The following SH2D1B variants were observed in gnomAD, a reference collection of about 807,000 sequenced individuals.
SH2D1B encodes the protein SH2 domain-containing protein 1B.
Under a neutral mutation model 16.3 loss-of-function variants are expected in SH2D1B, and 11 were observed. The observed-to-expected ratio is 0.67, with a 90% CI of 0.42 to 1.11. The LOEUF is 1.11. Among genes scored for constraint, SH2D1B ranks in the 50% most tolerant of loss-of-function variants. SH2D1B has a pLI of 0.00. For missense variants in SH2D1B, 123 were observed against 153.1 expected (o/e 0.80, Z 1.04); for synonymous variants, 55 against 56.1 (o/e 0.98, Z 0.09).
At chr1:162,407,734 C>T (rs1648683913) in intron 1 of SH2D1B, among the ~76,000 whole-genome samples, 1 of 152,280 alleles carries the variant, frequency 6.6e-6, no homozygotes, top group Non-Finnish European at 1.5e-5. Flanking sequence ...TTCAGAGAAA[C>T]CTTTCCTGTA....
Position 162,397,184 on chromosome 1 carries a change from T to C in SH2D1B, c.*96A>G, listed in dbSNP as rs980655086. 7.4e-7 allele frequency: 1 copy of C among 1,357,852 alleles called. No individual in the cohort carries two copies. Among genetic ancestry groups the C allele is most frequent in the African/African-American group, 1.4e-5 (1 of 69,808 alleles). The allele number at this position is 1,357,852 out of a possible 1,614,324, so 84.1% of individuals were successfully genotyped here. On this transcript the variant is annotated 3_prime_UTR_variant, in exon 4 of 4. Transcript: ENST00000367929. ...AACCAGGAGAGTCTGAATTGTCCACTAGAGTTTGGTGCTCTGGACCTATGC... is the reference window on the plus strand; with the variant it reads ...AACCAGGAGAGTCTGAATTGTCCACCAGAGTTTGGTGCTCTGGACCTATGC...
At chr1:162,397,965 G>C (rs1487870358) in intron 3 of SH2D1B, among the ~76,000 whole-genome samples, 2 of 152,190 alleles carry the variant, frequency 1.3e-5, no homozygotes, top group Non-Finnish European at 2.9e-5. Flanking sequence ...CCTATAGAAA[G>C]TGATTTTTTT....
chr1:162,397,240 T>G lies in SH2D1B; in HGVS notation c.*40A>C. Reference sequence around the variant, plus strand: ...GAAGTGGGTCATCAGTGAGAACTGTTACTCATCTCTTCAACTTGCTTTGTC... The same window carrying G: ...GAAGTGGGTCATCAGTGAGAACTGTGACTCATCTCTTCAACTTGCTTTGTC... On this transcript the variant is annotated 3_prime_UTR_variant, in exon 4 of 4. Coordinates refer to ENST00000367929, the MANE Select transcript of SH2D1B (RefSeq NM_053282.5). 6.2e-7 allele frequency: 1 copy of G among 1,611,706 alleles called. No homozygotes were observed. The highest frequency in any genetic ancestry group is 8.5e-7 in the Non-Finnish European group (1 of 1,177,962).
intron 2 of SH2D1B, among the ~76,000 whole-genome samples, chr1:162,399,387 A>C (rs1485209493): frequency 6.6e-6 from 1 of 152,178 alleles, no homozygotes; most frequent in Non-Finnish European, 1.5e-5. Flanking sequence ...ATACACTGTG[A>C]AGGGTACCCC....
chr1:162,403,055 C>T (rs539890317), intron 1 of SH2D1B, among the ~76,000 whole-genome samples: 2 of 151,954 alleles, frequency 1.3e-5, no homozygotes, highest in South Asian at 2.1e-4. Context: ...ATTACAGGCA[C>T]CCACCATCAT....
chr1:162,397,630 G>A (rs1234005990), intron 3 of SH2D1B, among the ~76,000 whole-genome samples: 3 of 152,238 alleles, frequency 2.0e-5, no homozygotes, highest in African/African-American at 4.8e-5. Flanking sequence ...GGAAGAGGTT[G>A]ATGGGGAATA....
chr1:162,398,009 T>A (rs1029185891), intron 3 of SH2D1B, among the ~76,000 whole-genome samples: 7 of 152,096 alleles, frequency 4.6e-5, no homozygotes, highest in African/African-American at 1.7e-4. Flanking sequence ...TTCATGGGGA[T>A]GGGGGGACAG....
chr1:162,398,801 G>T, intron 3 of SH2D1B, 122 bp downstream of exon 3: 1 of 1,211,618 alleles, frequency 8.3e-7, no homozygotes, highest in Non-Finnish European at 1.1e-6. Flanking sequence ...CTCTTAGTAG[G>T]ATGAAGCTTT....
intron 1 of SH2D1B, among the ~76,000 whole-genome samples, chr1:162,405,193 T>A (rs1648624796): frequency 6.6e-6 from 1 of 152,248 alleles, no homozygotes; most frequent in Admixed American, 6.5e-5. Flanking sequence ...TGATTTGATT[T>A]ACATTAAATT....
intron 1 of SH2D1B, among the ~76,000 whole-genome samples, chr1:162,410,240 C>A (rs1648761122): frequency 6.6e-6 from 1 of 152,186 alleles, no homozygotes; most frequent in South Asian, 2.1e-4. Flanking sequence ...ATCCACTTTA[C>A]CCCTGATGTT....
chr1:162,403,534 A>G (rs1425567593), intron 1 of SH2D1B, among the ~76,000 whole-genome samples: 3 of 122,692 alleles, frequency 2.4e-5, no homozygotes, highest in Admixed American at 9.5e-5. Context: ...ATATATATAT[A>G]TATATATATG....
rs545331687 is a variant in SH2D1B, at chr1:162,402,351, A to G, written c.198+388T>C. ...CACGGCGAAAACCCTTCTCTACTGA[A>G]AATACAAAAATTAGCTGGGGGTGGT... On this transcript the variant is annotated intron_variant, in intron 2 of 3. Transcript: ENST00000367929. 4 of 158,866 alleles carry G rather than the reference A, an allele frequency of 2.5e-5. No homozygotes were observed. The South Asian group carries it at 7.6e-4, about 30-fold the overall frequency. The allele number at this position is 158,866 out of a possible 1,614,324, so 9.8% of individuals were successfully genotyped here.
chr1:162,397,796 A>G (rs1648417412), intron 3 of SH2D1B, among the ~76,000 whole-genome samples: 1 of 152,148 alleles, frequency 6.6e-6, no homozygotes, highest in African/African-American at 2.4e-5. Context: ...GTTGAGACAA[A>G]TGCTACCACC....
At chr1:162,406,567 T>C (rs1648658891) in intron 1 of SH2D1B, among the ~76,000 whole-genome samples, 1 of 152,208 alleles carries the variant, frequency 6.6e-6, no homozygotes, top group African/African-American at 2.4e-5. Context: ...GAGACTGATA[T>C]AGTTTGTTTT....
chr1:162,401,616 C>CTACAATGAT, intron 2 of SH2D1B, among the ~76,000 whole-genome samples: 1 of 152,164 alleles, frequency 6.6e-6, no homozygotes, highest in East Asian at 1.9e-4. Flanking sequence ...CATAACCATA[C>CTACAATGAT]TACAATGATT....
intron 1 of SH2D1B, among the ~76,000 whole-genome samples, chr1:162,404,040 A>G (rs1013482130): frequency 4.6e-5 from 7 of 152,192 alleles, no homozygotes; most frequent in African/African-American, 1.7e-4. Context: ...TAATAACCAT[A>G]TATTACGTTC....
At chr1:162,411,769 T>C in intron 1 of SH2D1B, 114 bp downstream of exon 1, 10 of 1,391,066 alleles carry the variant, frequency 7.2e-6, no homozygotes, top group East Asian at 2.3e-5. Context: ...ATTCTACTCA[T>C]TGAGACTCCA....
At position 162,397,120 on chromosome 1, in the gene SH2D1B, G is replaced by A; in HGVS notation, c.*160C>T. On this transcript the variant is annotated 3_prime_UTR_variant, in exon 4 of 4. Coordinates refer to ENST00000367929, the MANE Select transcript of SH2D1B (RefSeq NM_053282.5). ...TCTGGGAGGCGGGGATGTGGAGAGT[G>A]ACCTCTGGTGCTGGTGGGCAGAACA... 1 of 690,524 alleles carries A rather than the reference G, an allele frequency of 1.4e-6. No homozygotes were observed. The highest frequency in any genetic ancestry group is 2.5e-6 in the Non-Finnish European group (1 of 402,728). 42.8% of individuals were successfully genotyped at this position (690,524 alleles called of 1,614,324 possible).
At chr1:162,411,769 T>A in intron 1 of SH2D1B, 114 bp downstream of exon 1, 1 of 1,391,066 alleles carries the variant, frequency 7.2e-7, no homozygotes, top group Non-Finnish European at 1.0e-6. Context: ...ATTCTACTCA[T>A]TGAGACTCCA....
Sources: allele counts gnomAD v4.1 joint callset (sites outside exome capture counted in the v4.1 genomes callset), GRCh38; gene constraint gnomAD v4.1.1; transcripts MANE v1.5; gene names NCBI Gene and HGNC (gene_info 2026-07-23, HGNC 2026-07-21).